The following BMPR2 variants were observed in gnomAD, a reference collection of about 807,000 sequenced individuals.
BMPR2 encodes the protein bone morphogenetic protein receptor type 2, also known as bone morphogenetic protein receptor type-2.
In BMPR2, 29 loss-of-function variants were observed where a neutral mutation model predicts 100.8. The ratio of observed to expected loss-of-function variants is 0.29; its 90% CI spans 0.21 to 0.39. BMPR2 has a LOEUF of 0.39. Ranked by LOEUF, BMPR2 falls within the 10% of genes least tolerant of loss-of-function variation. BMPR2 has a pLI of 1.00. For synonymous variants in BMPR2, 382 were observed against 442.3 expected (o/e 0.86, Z 1.71); for missense variants, 1,011 against 1,274.5 (o/e 0.79, Z 3.15).
chr2:202,554,512 G>A (rs1688529750), intron 11 of BMPR2, among the ~76,000 whole-genome samples: 1 of 151,800 alleles, frequency 6.6e-6, no homozygotes, highest in African/African-American at 2.4e-5. Context: ...TCCTTTTCTT[G>A]TACTGTATAA....
At chr2:202,380,481 GGTTCTT>G (rs1690258909) in intron 1 of BMPR2, among the ~76,000 whole-genome samples, 1 of 151,898 alleles carries the variant, frequency 6.6e-6, no homozygotes, top group Admixed American at 6.6e-5. Flanking sequence ...AATTACCTGG[GGTTCTT>G]GATAAAAATG....
chr2:202,485,516 A>G (rs892902805), intron 3 of BMPR2, among the ~76,000 whole-genome samples: 3 of 108,382 alleles, frequency 2.8e-5, no homozygotes, highest in African/African-American at 6.7e-5. Flanking sequence ...CTTCATCTCT[A>G]TGTGTCTCAA....
At position 202,561,973 on chromosome 2, in the gene BMPR2, T is replaced by G. The variant is rs1414903587; in HGVS notation, c.*2027T>G. The G allele has an allele frequency of 1.3e-5, 2 of 152,198 alleles. No homozygotes were observed. Among genetic ancestry groups the G allele is most frequent in the South Asian group, 2.1e-4 (1 of 4,830 alleles). The allele number at this position is 152,198 out of a possible 1,614,324, so 9.4% of individuals were successfully genotyped here. A position where few individuals can be genotyped will look rare whatever the true frequency, so the allele number is the denominator to read the frequency against. On this transcript the variant is annotated 3_prime_UTR_variant, in exon 13 of 13. Coordinates refer to ENST00000374580, the MANE Select transcript of BMPR2 (RefSeq NM_001204.7). Reference sequence around the variant, plus strand: ...TCAGCCCCTTAATCTATTTTCAGTCTTCTGGCACGTAATTTTTTTCACAGT... The same window carrying G: ...TCAGCCCCTTAATCTATTTTCAGTCGTCTGGCACGTAATTTTTTTCACAGT...
chr2:202,545,282 C>T lies in BMPR2; in HGVS notation c.1413+2835C>T, dbSNP rs1341493047. Among the ~76,000 whole-genome samples the T allele has an allele frequency of 4.0e-5, 6 of 148,882 alleles. No individual in the cohort carries two copies. In the Admixed American group the frequency reaches 4.0e-4, roughly 10 times the overall value. On this transcript the variant is annotated intron_variant, in intron 10 of 12. Transcript: ENST00000374580. ...TTTACTCAGCTTTATCTTCAAATGA[C>T]CCATTTAGTTTTCACTATTACCCTT...
intron 1 of BMPR2, among the ~76,000 whole-genome samples, chr2:202,447,765 AT>A (rs943333612): frequency 9.9e-5 from 15 of 150,816 alleles, no homozygotes; most frequent in Admixed American, 1.3e-4. Context: ...ACATATTTGT[AT>A]TTTTTTAATA....
chr2:202,377,537 C>T lies in BMPR2; in HGVS notation c.63C>T (p.Val21=), dbSNP rs149973695. The part of the protein sequence containing the change: ...VPWLPWTILL[V]STAAASQNQE... ...GGCTACCATGGACCATCCTGCTGGT[C>T]AGCACTGCGGCTGGTGAGTAGCTCC... Residue 21 remains valine, a synonymous_variant, in exon 1 of 13, where the codon GTC becomes GTT. Coordinates refer to ENST00000374580, the MANE Select transcript of BMPR2 (RefSeq NM_001204.7). The T allele has an allele frequency of 6.6e-5, 107 of 1,614,080 alleles. No individual in the cohort carries two copies. The African/African-American group carries it at 1.1e-3, about 17-fold the overall frequency.
intron 7 of BMPR2, among the ~76,000 whole-genome samples, chr2:202,528,868 T>G (rs1687966058): frequency 6.6e-6 from 1 of 152,234 alleles, no homozygotes; most frequent in Non-Finnish European, 1.5e-5. Flanking sequence ...TTACTTGAAG[T>G]GCTCTTTCAC....
At chr2:202,445,114 A>C (rs1357601601) in intron 1 of BMPR2, among the ~76,000 whole-genome samples, 1 of 150,534 alleles carries the variant, frequency 6.6e-6, no homozygotes, top group African/African-American at 2.5e-5. Flanking sequence ...TGTAGTAAAT[A>C]TGTGACATAC....
Position 202,377,208 on chromosome 2 carries a change from A to G in BMPR2, c.-267A>G. On this transcript the variant is annotated 5_prime_UTR_variant, in exon 1 of 13. Transcript: ENST00000374580. ...TCTTGGCTCCCTGCTTTCCCCACAG[A>G]CATGCCTTCCGTTTGGAGGGCCGCG... is the stretch of plus-strand genomic sequence containing the variant. The G allele has an allele frequency of 1.7e-6, 1 of 602,462 alleles. No homozygotes were observed. 37.3% of individuals were successfully genotyped at this position (602,462 alleles called of 1,614,324 possible).
At chr2:202,502,778 C>T (rs1470302829) in intron 3 of BMPR2, among the ~76,000 whole-genome samples, 1 of 152,104 alleles carries the variant, frequency 6.6e-6, no homozygotes, top group Non-Finnish European at 1.5e-5. Context: ...GGGGGTAGCA[C>T]AAGATGCCAC....
chr2:202,513,675 C>A (rs761580988), intron 3 of BMPR2, 44 bp from the exon 4 acceptor site: 11 of 1,471,270 alleles, frequency 7.5e-6, no homozygotes, highest in Non-Finnish European at 1.0e-5. Context: ...TAACAAAATA[C>A]TTTTTTAAAA....
chr2:202,463,314 C>G, intron 1 of BMPR2, among the ~76,000 whole-genome samples: 1 of 152,100 alleles, frequency 6.6e-6, no homozygotes, highest in South Asian at 2.1e-4. Flanking sequence ...CACTAAAGTT[C>G]TTTTCAGTGT....
At chr2:202,404,758 G>T (rs1335889528) in intron 1 of BMPR2, among the ~76,000 whole-genome samples, 1 of 152,164 alleles carries the variant, frequency 6.6e-6, no homozygotes, top group African/African-American at 2.4e-5. Context: ...TACCCAATAG[G>T]TGGTTTTTCA....
intron 5 of BMPR2, among the ~76,000 whole-genome samples, chr2:202,517,966 C>G (rs1687745783): frequency 7.0e-6 from 1 of 142,560 alleles, no homozygotes; most frequent in Admixed American, 7.1e-5. Flanking sequence ...GCGCCCACCA[C>G]CACGCCTGAC....
intron 1 of BMPR2, among the ~76,000 whole-genome samples, chr2:202,380,169 T>G (rs1690247224): frequency 6.6e-6 from 1 of 151,506 alleles, no homozygotes; most frequent in Non-Finnish European, 1.5e-5. Flanking sequence ...CCCCGCCTAA[T>G]TCTTAGAACA....
rs146790879 is a variant in BMPR2 at position 202,385,514 on chromosome 2, C to T, written c.76+7964C>T. The stretch of plus-strand genomic sequence containing the variant: ...CCGAGTAGCTGGGACTACAGGTGTG[C>T]GCCACCATGTCCGGCTAGTTTTTGT... On this transcript the variant is annotated intron_variant, in intron 1 of 12. Transcript: ENST00000374580. Among the ~76,000 whole-genome samples, 914 of 151,140 alleles carry T rather than the reference C, an allele frequency of 6.0e-3. 16 individuals are homozygous for T. The highest frequency in any genetic ancestry group is 0.021 in the African/African-American group (859 of 41,272).
intron 10 of BMPR2, among the ~76,000 whole-genome samples, chr2:202,546,101 T>C (rs1000366769): frequency 6.6e-6 from 1 of 152,236 alleles, no homozygotes; most frequent in Non-Finnish European, 1.5e-5. Context: ...CAGTATAGAG[T>C]AGGTTGCCAA....
At chr2:202,539,476 ATATAT>A (rs966290498) in intron 9 of BMPR2, among the ~76,000 whole-genome samples, 2 of 152,124 alleles carry the variant, frequency 1.3e-5, no homozygotes, top group South Asian at 2.1e-4. Context: ...GATCATATAA[ATATAT>A]TAATAAACCT....
Position 202,495,212 on chromosome 2 carries a change from C to T in BMPR2, c.419-18507C>T, listed in dbSNP as rs913775562. ...TCCCAGGGTTTCCTGCCTTGGTGTA[C>T]GGGAAGAGTCGGCTCACACCTGGGC... On this transcript the variant is annotated intron_variant, in intron 3 of 12. Transcript: ENST00000374580. This position sits in a 1 kb window ranked among gnomAD's most constrained non-coding sequence, Gnocchi z 4.5. Among the ~76,000 whole-genome samples the T allele has an allele frequency of 7.2e-5, 11 of 152,166 alleles. No homozygotes were observed. The highest frequency in any genetic ancestry group is 1.3e-4 in the Non-Finnish European group (9 of 68,044).
Sources: gnomAD v4.1 joint callset for allele counts (sites outside exome capture counted in the v4.1 genomes callset) on GRCh38, gnomAD v4.1.1 for gene constraint, Gnocchi (gnomAD v3.1) non-coding constraint, MANE v1.5 for transcripts, NCBI Gene and HGNC (gene_info 2026-07-23, HGNC 2026-07-21) for gene names.